Variants in CDH18 observed in about 807,000 individuals in gnomAD.
CDH18 encodes cadherin 18.
In CDH18, 31 loss-of-function variants were observed where a neutral mutation model predicts 67.9. The observed-to-expected ratio is 0.46, with a 90% CI of 0.34 to 0.62. CDH18 has a LOEUF of 0.62. Ranked by LOEUF, CDH18 falls within the 20% of genes least tolerant of loss-of-function variation. The pLI is 0.01. For missense variants in CDH18, 890 were observed against 975.5 expected (o/e 0.91, Z 1.17); for synonymous variants, 362 against 347.2 (o/e 1.04, Z -0.48).
At position 19,747,039 on chromosome 5, in the gene CDH18, T is replaced by C. The variant is rs778514330; in HGVS notation, c.426A>G (p.Glu142=). ...DRRTNKPLEP[E]SEFIIKVQDI... ...CTTGCACTTTGATGATGAACTCGGATTCAGGCTCAAGAGGTTTGTTTGTAC... is the reference window on the plus strand; with the variant it reads ...CTTGCACTTTGATGATGAACTCGGACTCAGGCTCAAGAGGTTTGTTTGTAC... Residue 142 remains glutamate (E), a synonymous_variant, in exon 4 of 13, where the codon GAA becomes GAG. Coordinates refer to ENST00000382275, the MANE Select transcript of CDH18 (RefSeq NM_004934.5). The C allele has an allele frequency of 6.2e-7, 1 of 1,614,196 alleles. No individual in the cohort carries two copies. Among genetic ancestry groups the C allele is most frequent in the South Asian group, 1.1e-5 (1 of 91,078 alleles).
intron 2 of CDH18, among the ~76,000 whole-genome samples, chr5:20,012,680 G>A (rs561979867): frequency 4.9e-4 from 75 of 152,104 alleles, no homozygotes; most frequent in African/African-American, 1.6e-3. Flanking sequence ...TAGACTGGAT[G>A]AAGAAAATGT....
intron 1 of CDH18, among the ~76,000 whole-genome samples, chr5:20,449,270 A>G (rs948324758): frequency 1.3e-5 from 2 of 152,148 alleles, no homozygotes; most frequent in Non-Finnish European, 2.9e-5. Context: ...ATTGGAAAGA[A>G]GTTAGTGATA....
Position 19,585,354 on chromosome 5 carries a change from T to C in CDH18, c.999+5703A>G, listed in dbSNP as rs561523850. Among the ~76,000 whole-genome samples, 12 of 152,258 alleles carry C rather than the reference T, an allele frequency of 7.9e-5. No homozygotes were observed. In the East Asian group the frequency reaches 1.9e-3, roughly 25 times the overall value. ...ACTTTCACTTTTTGTCAATATGAAG[T>C]TGTTTTCCATTTTATAAAAACAATA... On this transcript the variant is annotated intron_variant, in intron 7 of 12. Coordinates refer to ENST00000382275, the MANE Select transcript of CDH18 (RefSeq NM_004934.5).
intron 5 of CDH18, among the ~76,000 whole-genome samples, chr5:19,626,232 G>A (rs1427320730): frequency 6.6e-6 from 1 of 152,136 alleles, no homozygotes; most frequent in Non-Finnish European, 1.5e-5. Flanking sequence ...CATATTGACT[G>A]TGTAAATTTG....
intron 2 of CDH18, among the ~76,000 whole-genome samples, chr5:20,025,552 A>C (rs924185129): frequency 6.6e-6 from 1 of 152,180 alleles, no homozygotes; most frequent in Non-Finnish European, 1.5e-5. Flanking sequence ...AAAAACAACT[A>C]CAGTTTAATC....
chr5:19,854,438 A>G (rs943584301), intron 2 of CDH18, among the ~76,000 whole-genome samples: 1 of 152,154 alleles, frequency 6.6e-6, no homozygotes, highest in African/African-American at 2.4e-5. Flanking sequence ...AAAATATATA[A>G]TTTCAGTAGA....
chr5:20,234,558 C>T lies in CDH18; in HGVS notation c.-518+20886G>A, dbSNP rs189764646. Among the ~76,000 whole-genome samples, 274 of 152,142 alleles carry T rather than the reference C, an allele frequency of 1.8e-3. 1 individual carries two copies. The highest frequency in any genetic ancestry group is 0.014 in the Middle Eastern group (4 of 294). On this transcript the variant is annotated intron_variant, in intron 2 of 14. Transcript: ENST00000507958. ...GGCCATCTGTAAACCAGAAAGCAGGCCCTGAGCAGACACTAGATCTGCTGC... is the reference window on the plus strand; with the variant it reads ...GGCCATCTGTAAACCAGAAAGCAGGTCCTGAGCAGACACTAGATCTGCTGC...
At chr5:20,303,798 A>G (rs547029767) in intron 1 of CDH18, among the ~76,000 whole-genome samples, 19 of 152,336 alleles carry the variant, frequency 1.2e-4, no homozygotes, top group Non-Finnish European at 2.2e-4. Flanking sequence ...AAACAAACGA[A>G]CATTAAAAAA....
In CDH18 at chr5:20,304,342, A is replaced by C; in HGVS notation, c.-579-48837T>G. On this transcript the variant is annotated intron_variant, in intron 1 of 14. Transcript: ENST00000507958. ...CTATGACTTTCTCTTTAAATTCATT[A>C]TCTTTCTTGTAAAATAGTTTACACT... 3 of 1,526,238 alleles carry C rather than the reference A, an allele frequency of 2.0e-6. No homozygotes were observed. In the South Asian group the frequency reaches 3.4e-5, roughly 17 times the overall value. The allele number at this position is 1,526,238 out of a possible 1,614,324, so 94.5% of individuals were successfully genotyped here.
At chr5:19,702,196 T>C (rs1213424585) in intron 5 of CDH18, among the ~76,000 whole-genome samples, 2 of 143,458 alleles carry the variant, frequency 1.4e-5, no homozygotes, top group African/African-American at 5.2e-5. Flanking sequence ...TCCCCCAGGC[T>C]GGAGTGCAAT....
intron 1 of CDH18, among the ~76,000 whole-genome samples, chr5:20,330,276 A>T (rs1739040369): frequency 6.6e-6 from 1 of 152,156 alleles, no homozygotes; most frequent in Non-Finnish European, 1.5e-5. Flanking sequence ...CAGTTGCTAT[A>T]TAATAGGATG....
intron 1 of CDH18, among the ~76,000 whole-genome samples, chr5:20,341,672 A>G (rs1740276688): frequency 6.6e-6 from 1 of 151,978 alleles, no homozygotes; most frequent in South Asian, 2.1e-4. Flanking sequence ...TGGATAACAG[A>G]ATATTAAGGA....
intron 3 of CDH18, among the ~76,000 whole-genome samples, chr5:19,821,709 G>C (rs1297879296): frequency 6.6e-6 from 1 of 152,134 alleles, no homozygotes; most frequent in African/African-American, 2.4e-5. Flanking sequence ...AAGGAAGCTA[G>C]AGAAAAGTGT....
chr5:20,179,071 AG>A (rs955264349), intron 2 of CDH18, among the ~76,000 whole-genome samples: 17 of 152,260 alleles, frequency 1.1e-4, no homozygotes, highest in African/African-American at 3.6e-4. Context: ...TAGTAGAGTG[AG>A]TTTTAAGTCA....
chr5:19,936,855 TA>T (rs1330923342), intron 2 of CDH18, among the ~76,000 whole-genome samples: 1 of 151,068 alleles, frequency 6.6e-6, no homozygotes, highest in African/African-American at 2.4e-5. Context: ...ACAAATAAGT[TA>T]AAAAATAGGT....
At chr5:19,629,024 T>TA (rs1752012340) in intron 5 of CDH18, among the ~76,000 whole-genome samples, 1 of 152,116 alleles carries the variant, frequency 6.6e-6, no homozygotes, top group Non-Finnish European at 1.5e-5. Flanking sequence ...CTAAGTAAAG[T>TA]ATGATATGGC....
At chr5:20,364,201 T>C (rs1000429110) in intron 1 of CDH18, among the ~76,000 whole-genome samples, 1 of 151,672 alleles carries the variant, frequency 6.6e-6, no homozygotes, top group African/African-American at 2.4e-5. Context: ...TAAGTAAAAG[T>C]GGTAGGGAAG....
At chr5:19,507,410 T>C (rs1744375523) in intron 10 of CDH18, among the ~76,000 whole-genome samples, 1 of 152,192 alleles carries the variant, frequency 6.6e-6, no homozygotes, top group South Asian at 2.1e-4. Flanking sequence ...ACTGGGTATA[T>C]ACCCAAAGGA....
At chr5:20,065,066 C>T (rs1379568763) in intron 2 of CDH18, among the ~76,000 whole-genome samples, 1 of 151,960 alleles carries the variant, frequency 6.6e-6, no homozygotes, top group Non-Finnish European at 1.5e-5. Context: ...TTTCTCTCTT[C>T]TTGCAGGTTT....
Sources: allele counts gnomAD v4.1 joint callset (sites outside exome capture counted in the v4.1 genomes callset), GRCh38; gene constraint gnomAD v4.1.1; transcripts MANE v1.5; gene names NCBI Gene and HGNC (gene_info 2026-07-23, HGNC 2026-07-21).